Variants in C1orf87 observed in about 807,000 individuals in gnomAD.
C1orf87 encodes chromosome 1 open reading frame 87, also known as uncharacterized protein C1orf87.
In C1orf87, 58 loss-of-function variants were observed where a neutral mutation model predicts 60.5. The ratio of observed to expected loss-of-function variants is 0.96; its 90% CI spans 0.78 to 1.19. C1orf87 has a LOEUF of 1.19. Ranked by LOEUF, C1orf87 falls within the 50% of genes most tolerant of loss-of-function variation. The pLI is 0.00. For synonymous variants in C1orf87, 236 were observed against 227.4 expected, an observed-to-expected ratio of 1.04 and a Z score of -0.34; for missense variants, 673 against 638.6, an observed-to-expected ratio of 1.05 and a Z score of -0.58.
At chr1:60,070,647 C>A (rs1024030757) in intron 2 of C1orf87, among the ~76,000 whole-genome samples, 5 of 152,142 alleles carry the variant, frequency 3.3e-5, no homozygotes, top group Non-Finnish European at 7.4e-5. Flanking sequence ...GGAAACACAA[C>A]AAACAAGCAA....
chr1:60,063,069 T>C (rs1044106237), intron 2 of C1orf87, among the ~76,000 whole-genome samples: 3 of 152,174 alleles, frequency 2.0e-5, no homozygotes, highest in Non-Finnish European at 2.9e-5. Flanking sequence ...AAGGGCTTAA[T>C]AGAAGTATGA....
chr1:60,057,745 T>C (rs180950328), intron 2 of C1orf87, among the ~76,000 whole-genome samples: 9 of 152,256 alleles, frequency 5.9e-5, no homozygotes, highest in Admixed American at 3.9e-4. Context: ...TTGGGTCTCA[T>C]CGGGGAAATG....
At chr1:60,072,429 C>T (rs760667212) in intron 2 of C1orf87, 108 bp downstream of exon 2, 92 of 795,256 alleles carry the variant, frequency 1.2e-4, no homozygotes, top group Middle Eastern at 3.2e-4. Flanking sequence ...TTAATGACTT[C>T]GTTTTCCATG....
chr1:60,026,203 T>A (rs1156482980), intron 7 of C1orf87, among the ~76,000 whole-genome samples: 2 of 152,184 alleles, frequency 1.3e-5, no homozygotes, highest in Non-Finnish European at 2.9e-5. Context: ...ATATTTAGAA[T>A]AATGGCTAAA....
intron 8 of C1orf87, 134 bp from the exon 9 acceptor site, chr1:60,010,590 G>A (rs1645076660): frequency 1.4e-6 from 1 of 730,376 alleles, no homozygotes; most frequent in Admixed American, 2.7e-5. Flanking sequence ...GTCCAATGCA[G>A]GAAACAGAAA....
At chr1:60,025,082 ATT>A (rs1216443713) in intron 8 of C1orf87, among the ~76,000 whole-genome samples, 1 of 152,234 alleles carries the variant, frequency 6.6e-6, no homozygotes, top group Non-Finnish European at 1.5e-5. Flanking sequence ...ACAAAATGTC[ATT>A]CACTAGGTAG....
At chr1:60,016,996 C>T (rs1645128616) in intron 8 of C1orf87, among the ~76,000 whole-genome samples, 1 of 152,116 alleles carries the variant, frequency 6.6e-6, no homozygotes, top group East Asian at 1.9e-4. Flanking sequence ...AGTGTAGTGA[C>T]CAAGAGCCAA....
intron 8 of C1orf87, among the ~76,000 whole-genome samples, chr1:60,017,130 C>T (rs1180684547): frequency 6.6e-6 from 1 of 152,102 alleles, no homozygotes; most frequent in Non-Finnish European, 1.5e-5. Flanking sequence ...AATAATATAC[C>T]TACTTCATGG....
intron 11 of C1orf87, among the ~76,000 whole-genome samples, chr1:59,993,280 G>T (rs1183437196): frequency 6.6e-6 from 1 of 151,862 alleles, no homozygotes; most frequent in Non-Finnish European, 1.5e-5. Flanking sequence ...AAAGAGGAAA[G>T]AAAGAGGGAA....
chr1:59,998,750 G>A (rs1644980911), intron 10 of C1orf87, among the ~76,000 whole-genome samples: 1 of 152,060 alleles, frequency 6.6e-6, no homozygotes, highest in Admixed American at 6.6e-5. Flanking sequence ...AACTCTAGCA[G>A]GTTTTCCATT....
At chr1:60,019,674 G>T (rs1015998226) in intron 8 of C1orf87, among the ~76,000 whole-genome samples, 14 of 152,174 alleles carry the variant, frequency 9.2e-5, no homozygotes, top group African/African-American at 3.4e-4. Context: ...TCCAGGCTGA[G>T]GTAGTTTCAA....
At chr1:60,038,278 C>A (rs972668003) in intron 5 of C1orf87, among the ~76,000 whole-genome samples, 171 bp from the exon 6 acceptor site, 1 of 152,076 alleles carries the variant, frequency 6.6e-6, no homozygotes, top group Non-Finnish European at 1.5e-5. Context: ...TTATTATTTT[C>A]CCTTCTGGAC....
At chr1:60,033,687 C>G (rs1458831503) in intron 6 of C1orf87, 46 bp from the exon 7 acceptor site, 2 of 1,576,180 alleles carry the variant, frequency 1.3e-6, no homozygotes. Context: ...GTTATCCACC[C>G]AAGGCAGCTG....
intron 8 of C1orf87, among the ~76,000 whole-genome samples, chr1:60,024,059 A>G (rs1454625448): frequency 6.6e-6 from 1 of 152,132 alleles, no homozygotes; most frequent in Non-Finnish European, 1.5e-5. Flanking sequence ...TTCTTTTAAT[A>G]TGCTTGTTTA....
At chr1:59,996,958 T>C (rs1472062477) in intron 11 of C1orf87, among the ~76,000 whole-genome samples, 1 of 152,168 alleles carries the variant, frequency 6.6e-6, no homozygotes, top group Non-Finnish European at 1.5e-5. Context: ...ATGATGGATG[T>C]TAAAGAATCC....
chr1:60,072,820 G>T, intron 1 of C1orf87, 150 bp from the exon 2 acceptor site: 2 of 550,496 alleles, frequency 3.6e-6, no homozygotes, highest in Non-Finnish European at 3.2e-6. Flanking sequence ...GCATGAGAAA[G>T]ATATTTTTAA....
intron 6 of C1orf87, among the ~76,000 whole-genome samples, chr1:60,037,455 T>G (rs2100292068): frequency 6.6e-6 from 1 of 152,330 alleles, no homozygotes; most frequent in African/African-American, 2.4e-5. Flanking sequence ...GCAGGCATCT[T>G]GAAAGGGCCT....
intron 11 of C1orf87, among the ~76,000 whole-genome samples, chr1:59,992,420 T>C (rs1351419256): frequency 6.6e-6 from 1 of 151,904 alleles, no homozygotes; most frequent in Non-Finnish European, 1.5e-5. Flanking sequence ...CACTCTCAGC[T>C]AATATTTTTA....
At chr1:60,069,860 C>A (rs2100337869) in intron 2 of C1orf87, among the ~76,000 whole-genome samples, 1 of 152,222 alleles carries the variant, frequency 6.6e-6, no homozygotes, top group Non-Finnish European at 1.5e-5. Flanking sequence ...ATGTAATGAG[C>A]TGAGATTAGG....
Sources: gnomAD v4.1 joint callset for allele counts (sites outside exome capture counted in the v4.1 genomes callset) on GRCh38, gnomAD v4.1.1 for gene constraint, MANE v1.5 for transcripts, NCBI Gene and HGNC (gene_info 2026-07-23, HGNC 2026-07-21) for gene names.